Variants in GNAQ observed in about 807,000 individuals in gnomAD.
GNAQ encodes the protein G protein subunit alpha q, also known as guanine nucleotide-binding protein G(q) subunit alpha.
In GNAQ, 8 loss-of-function variants were observed where a neutral mutation model predicts 43.9. The observed-to-expected ratio is 0.18, with a 90% CI of 0.11 to 0.33. The LOEUF (loss-of-function observed/expected upper bound fraction) is 0.33, where lower values mean the gene tolerates loss of function less well. Ranked by LOEUF, GNAQ falls within the 10% of genes least tolerant of loss-of-function variation. The pLI, the probability that GNAQ is intolerant of heterozygous loss-of-function variation, is 1.00. For missense variants in GNAQ, 158 were observed against 450.8 expected, an observed-to-expected ratio of 0.35 and a Z score of 5.88; for synonymous variants, 155 against 170.7, an observed-to-expected ratio of 0.91 and a Z score of 0.71.
chr9:78,016,415 GTGGCCCACACC>G (rs1377781510), intron 1 of GNAQ, among the ~76,000 whole-genome samples: 1 of 152,192 alleles, frequency 6.6e-6, no homozygotes, highest in African/African-American at 2.4e-5. Context: ...GCCAGGCACA[GTGGCCCACACC>G]TGTAATCCCA....
At chr9:77,837,688 T>C (rs1041617842) in intron 2 of GNAQ, among the ~76,000 whole-genome samples, 1 of 152,030 alleles carries the variant, frequency 6.6e-6, no homozygotes, top group South Asian at 2.1e-4. Flanking sequence ...CTAAATATAT[T>C]GGCATGAAAA....
chr9:77,977,521 G>A (rs1056848575), intron 1 of GNAQ, among the ~76,000 whole-genome samples: 2 of 152,032 alleles, frequency 1.3e-5, no homozygotes, highest in South Asian at 2.1e-4. Flanking sequence ...CAGCAAAGTC[G>A]AAATTTCCCC....
chr9:77,863,179 A>AAAGGAAGGAAGGAAGGACGGAAGG (rs1827884253), intron 2 of GNAQ, among the ~76,000 whole-genome samples: 2 of 130,030 alleles, frequency 1.5e-5, no homozygotes, highest in African/African-American at 5.9e-5. Flanking sequence ...CGTATGAAAG[A>AAAGGAAGGAAGGAAGGACGGAAGG]AAGGAAGGAA....
chr9:77,888,652 GA>G lies in GNAQ; in HGVS notation c.321+33508del, dbSNP rs558045032. On this transcript the variant is annotated intron_variant, in intron 2 of 6. Transcript: ENST00000286548. ...CCTTAAAAAAAGTACTCTGAATCTT[GA>G]AAAATCCAGACTGAGTCTGTTTATT... Among the ~76,000 whole-genome samples the G allele has an allele frequency of 1.5e-4, 23 of 152,234 alleles. 1 individual carries two copies. The East Asian group carries it at 4.4e-3, about 29-fold the overall frequency.
In GNAQ at chr9:77,965,222, A is replaced by T. The variant is rs1823151738; in HGVS notation, c.137-42877T>A. On this transcript the variant is annotated intron_variant, in intron 1 of 6. Transcript: ENST00000286548. ...CAGCAACTACCACCAATCAACACCC[A>T]TAATTATATAAAGCACCCACACCCA... Among the ~76,000 whole-genome samples the T allele has an allele frequency of 2.0e-5, 3 of 152,132 alleles. No individual in the cohort carries two copies. The South Asian group carries it at 6.2e-4, about 31-fold the overall frequency.
At chr9:77,963,286 G>A (rs770067123) in intron 1 of GNAQ, among the ~76,000 whole-genome samples, 1 of 152,096 alleles carries the variant, frequency 6.6e-6, no homozygotes, top group Non-Finnish European at 1.5e-5. Context: ...AATTAATCTT[G>A]CCCTAATTGA....
At chr9:77,978,426 T>C (rs556877562) in intron 1 of GNAQ, among the ~76,000 whole-genome samples, 32 of 152,294 alleles carry the variant, frequency 2.1e-4, no homozygotes, top group African/African-American at 6.7e-4. Context: ...AAGGTCCCTC[T>C]CCCTCCTGCC....
rs1186262433 is a variant in GNAQ, at chr9:78,031,532, T to C, written c.-297A>G. ...TGAGAGAAGGCCGCCGCGCCCGGCCTCGCTCAGACGCCCGCGCCTCCTTCC... is the reference window on the plus strand; with the variant it reads ...TGAGAGAAGGCCGCCGCGCCCGGCCCCGCTCAGACGCCCGCGCCTCCTTCC... On this transcript the variant is annotated 5_prime_UTR_variant, in exon 1 of 7. Transcript: ENST00000286548. 1.3e-5 allele frequency: 2 copies of C among 152,298 alleles called. No individual in the cohort carries two copies. Among genetic ancestry groups the C allele is most frequent in the East Asian group, 3.6e-4 (2 of 5,492 alleles). The allele number at this position is 152,298 out of a possible 1,614,324, so 9.4% of individuals were successfully genotyped here.
intron 1 of GNAQ, among the ~76,000 whole-genome samples, chr9:78,006,338 C>T (rs180789490): frequency 1.4e-3 from 216 of 152,226 alleles, no homozygotes; most frequent in Non-Finnish European, 2.5e-3. Flanking sequence ...CTGCCCCCTG[C>T]CCCATAAGAT....
chr9:77,884,328 T>G (rs999141066), intron 2 of GNAQ, among the ~76,000 whole-genome samples: 1 of 152,248 alleles, frequency 6.6e-6, no homozygotes, highest in Non-Finnish European at 1.5e-5. Context: ...TATGTGCCAG[T>G]TGTCTCTAAT....
At chr9:77,785,753 T>C (rs575093447) in intron 5 of GNAQ, among the ~76,000 whole-genome samples, 1 of 152,194 alleles carries the variant, frequency 6.6e-6, no homozygotes, top group Admixed American at 6.5e-5. Context: ...TTCAATTAGA[T>C]AGTTTGTTAT....
At chr9:77,830,415 G>C (rs1020630624) in intron 2 of GNAQ, among the ~76,000 whole-genome samples, 4 of 152,152 alleles carry the variant, frequency 2.6e-5, no homozygotes, top group Non-Finnish European at 5.9e-5. Context: ...CATATTTAAT[G>C]CATGGAGTAA....
chr9:77,942,025 T>C (rs536819381), intron 1 of GNAQ, among the ~76,000 whole-genome samples: 1 of 151,990 alleles, frequency 6.6e-6, no homozygotes, highest in African/African-American at 2.4e-5. Context: ...GGTGGTAGGA[T>C]GAGTAACTTC....
At chr9:77,927,330 C>T (rs1351618908) in intron 1 of GNAQ, among the ~76,000 whole-genome samples, 1 of 152,308 alleles carries the variant, frequency 6.6e-6, no homozygotes, top group African/African-American at 2.4e-5. Flanking sequence ...TTGTTGAAAG[C>T]AATCGTGGAC....
Position 78,031,260 on chromosome 9 carries a change from C to G in GNAQ, c.-25G>C, listed in dbSNP as rs1343822400. 1 of 1,472,078 alleles carries G rather than the reference C, an allele frequency of 6.8e-7. No homozygotes were observed. The highest frequency in any genetic ancestry group is 1.3e-5 in the South Asian group (1 of 74,768). 91.2% of individuals were successfully genotyped at this position (1,472,078 alleles called of 1,614,324 possible). ...TTCTTCCAAAGTGCCTCCGCTGCAG[C>G]CCCGCCGGCACCCCCTGCTCACAGC... On this transcript the variant is annotated 5_prime_UTR_variant, in exon 1 of 7. Transcript: ENST00000286548.
intron 1 of GNAQ, among the ~76,000 whole-genome samples, chr9:77,999,426 T>C (rs1418098140): frequency 6.6e-6 from 1 of 152,228 alleles, no homozygotes; most frequent in Non-Finnish European, 1.5e-5. Flanking sequence ...TACATTCTTC[T>C]AAACCAAACT....
chr9:77,728,937 T>G (rs1825442610), intron 5 of GNAQ, among the ~76,000 whole-genome samples: 1 of 152,196 alleles, frequency 6.6e-6, no homozygotes, highest in Admixed American at 6.5e-5. Flanking sequence ...AGAAAATAAT[T>G]GAAAGCCTAG....
chr9:77,796,692 A>C (rs1169733124), intron 4 of GNAQ, among the ~76,000 whole-genome samples: 1 of 152,194 alleles, frequency 6.6e-6, no homozygotes, highest in African/African-American at 2.4e-5. Flanking sequence ...TGTATTTCAA[A>C]ATTTTTCAAG....
intron 1 of GNAQ, among the ~76,000 whole-genome samples, chr9:77,933,000 C>A (rs1040714743): frequency 6.6e-6 from 1 of 152,030 alleles, no homozygotes; most frequent in South Asian, 2.1e-4. Flanking sequence ...TGGATGGAGG[C>A]ACTAGATTCT....
Sources: gnomAD v4.1 joint callset for allele counts (sites outside exome capture counted in the v4.1 genomes callset) on GRCh38, gnomAD v4.1.1 for gene constraint, MANE v1.5 for transcripts, NCBI Gene and HGNC (gene_info 2026-07-23, HGNC 2026-07-21) for gene names.